The following FOXP2 variants were observed in gnomAD, a reference collection of about 807,000 sequenced individuals.
The protein encoded by FOXP2 is forkhead box P2, also known as forkhead box protein P2.
A neutral mutation model predicts 115.8 loss-of-function variants in FOXP2; 12 were observed. The observed-to-expected ratio is 0.10, with a 90% CI of 0.07 to 0.17. FOXP2 has a LOEUF of 0.17. FOXP2 is among the 10% of genes least tolerant of loss of function. The pLI is 1.00. For synonymous variants in FOXP2, 328 were observed against 297.7 expected (o/e 1.10, Z -1.05); for missense variants, 629 against 843.5 (o/e 0.75, Z 3.15).
intron 2 of FOXP2, among the ~76,000 whole-genome samples, chr7:114,332,131 C>T (rs899366274): frequency 2.1e-4 from 31 of 150,758 alleles, no homozygotes; most frequent in Non-Finnish European, 1.3e-4. Flanking sequence ...TGTGTGTGTG[C>T]GTGTGTGTGT....
chr7:114,294,641 G>A (rs533358093), intron 2 of FOXP2, among the ~76,000 whole-genome samples: 1 of 152,040 alleles, frequency 6.6e-6, no homozygotes, highest in Non-Finnish European at 1.5e-5. Context: ...AGGAGTTAGA[G>A]ACCAGCCTGA....
intron 3 of FOXP2, among the ~76,000 whole-genome samples, chr7:114,626,309 A>G (rs2129325847): frequency 6.6e-6 from 1 of 151,970 alleles, no homozygotes; most frequent in East Asian, 1.9e-4. Flanking sequence ...TTATATGTAT[A>G]AGCTGAAATC....
chr7:114,590,569 G>A (rs1260746618), intron 3 of FOXP2, among the ~76,000 whole-genome samples: 1 of 152,106 alleles, frequency 6.6e-6, no homozygotes, highest in Non-Finnish European at 1.5e-5. Flanking sequence ...CCATACTGTG[G>A]TGTTTCTTAT....
chr7:114,243,891 A>G (rs1795213754), intron 1 of FOXP2, among the ~76,000 whole-genome samples: 1 of 151,842 alleles, frequency 6.6e-6, no homozygotes, highest in Admixed American at 6.6e-5. Context: ...TTCCAGGCTA[A>G]GGTAACAAGC....
chr7:114,481,148 A>G (rs1413559494), intron 2 of FOXP2, among the ~76,000 whole-genome samples: 2 of 151,264 alleles, frequency 1.3e-5, no homozygotes, highest in Non-Finnish European at 3.0e-5. Context: ...TTGAGGTAGT[A>G]CACTAACCTG....
At chr7:114,535,967 C>T (rs1467541483) in intron 3 of FOXP2, among the ~76,000 whole-genome samples, 2 of 151,544 alleles carry the variant, frequency 1.3e-5, no homozygotes, top group African/African-American at 2.4e-5. Context: ...TGTCACTTTC[C>T]TCACCATCAT....
intron 2 of FOXP2, among the ~76,000 whole-genome samples, chr7:114,471,458 A>AT (rs1157015308): frequency 1.1e-4 from 16 of 152,238 alleles, no homozygotes; most frequent in Admixed American, 7.2e-4. Context: ...TTGTCCATCT[A>AT]TTTTTTAAGT....
chr7:114,231,722 T>C (rs1460799738), intron 1 of FOXP2, among the ~76,000 whole-genome samples: 1 of 152,160 alleles, frequency 6.6e-6, no homozygotes, highest in African/African-American at 2.4e-5. Flanking sequence ...CAATTCACAA[T>C]AGGTTAAAGA....
intron 15 of FOXP2, 29 bp from the exon 16 acceptor site, chr7:114,664,244 G>A: frequency 6.2e-7 from 1 of 1,610,808 alleles, no homozygotes; most frequent in Non-Finnish European, 8.5e-7. Context: ...CATTTTGAAA[G>A]TTGTTTTACA....
chr7:114,373,298 G>T (rs1792059434), intron 2 of FOXP2, among the ~76,000 whole-genome samples: 1 of 152,138 alleles, frequency 6.6e-6, no homozygotes, highest in South Asian at 2.1e-4. Flanking sequence ...GGGATTACAG[G>T]CGTGAGCAGT....
intron 1 of FOXP2, among the ~76,000 whole-genome samples, chr7:114,241,204 TA>T (rs1250115653): frequency 2.6e-5 from 4 of 152,178 alleles, no homozygotes; most frequent in African/African-American, 7.2e-5. Context: ...ATAAAACATA[TA>T]AAAAATATTC....
intron 1 of FOXP2, among the ~76,000 whole-genome samples, chr7:114,112,797 G>A (rs1169177767): frequency 6.6e-6 from 1 of 152,106 alleles, no homozygotes; most frequent in East Asian, 1.9e-4. Flanking sequence ...GGAGTTAAGA[G>A]AACTTGTGGG....
At chr7:114,527,190 T>G (rs907200369) in intron 2 of FOXP2, among the ~76,000 whole-genome samples, 1 of 152,140 alleles carries the variant, frequency 6.6e-6, no homozygotes, top group Non-Finnish European at 1.5e-5. Context: ...TACCGTATTT[T>G]ATCTATTCAT....
At chr7:114,112,152 A>G (rs1419594388) in intron 1 of FOXP2, among the ~76,000 whole-genome samples, 2 of 151,914 alleles carry the variant, frequency 1.3e-5, no homozygotes, top group Non-Finnish European at 2.9e-5. Flanking sequence ...ATTTTTGCCC[A>G]CTCCAATAAG....
At chr7:114,175,430 G>A (rs539014676) in intron 1 of FOXP2, among the ~76,000 whole-genome samples, 1 of 152,212 alleles carries the variant, frequency 6.6e-6, no homozygotes, top group Non-Finnish European at 1.5e-5. Flanking sequence ...ATGTTAAGGA[G>A]TAGCAAAGCG....
chr7:114,190,199 A>G (rs181345282), intron 1 of FOXP2, among the ~76,000 whole-genome samples: 2 of 152,278 alleles, frequency 1.3e-5, no homozygotes, highest in Admixed American at 6.5e-5. Context: ...GGATGCCTAT[A>G]TATCTGGTAG....
At chr7:114,381,460 T>C (rs1296578947) in intron 2 of FOXP2, among the ~76,000 whole-genome samples, 2 of 152,116 alleles carry the variant, frequency 1.3e-5, no homozygotes, top group African/African-American at 2.4e-5. Context: ...CCTGGCCAAA[T>C]AGATGGGGGC....
At chr7:114,184,802 C>T (rs116726065) in intron 1 of FOXP2, among the ~76,000 whole-genome samples, 3,131 of 152,184 alleles carry the variant, frequency 0.021, 54 homozygotes, top group Middle Eastern at 0.051. Context: ...ACTGTTTTTC[C>T]GTTTGCAACA....
chr7:114,436,171 A>G (rs780018373), intron 2 of FOXP2, among the ~76,000 whole-genome samples: 1 of 152,048 alleles, frequency 6.6e-6, no homozygotes, highest in Admixed American at 6.6e-5. Flanking sequence ...CATTTTCTTT[A>G]TGAATTGGAG....
Sources: allele counts gnomAD v4.1 joint callset (sites outside exome capture counted in the v4.1 genomes callset), GRCh38; gene constraint gnomAD v4.1.1; transcripts MANE v1.5; gene names NCBI Gene and HGNC (gene_info 2026-07-23, HGNC 2026-07-21).